Variants in CCNH observed in about 807,000 individuals in gnomAD.
CCNH encodes cyclin-H.
CCNH carries 31 observed loss-of-function variants against 41.9 expected under a neutral mutation model. The ratio of observed to expected loss-of-function variants is 0.74; its 90% confidence interval spans 0.56 to 1.00. The LOEUF (loss-of-function observed/expected upper bound fraction) is 1.00. Among genes scored for constraint, CCNH ranks in the 50% least tolerant of loss-of-function variants. The pLI is 0.00. For synonymous variants in CCNH, 138 were observed against 136.1 expected (o/e 1.01, Z -0.10); for missense variants, 362 against 388.4 (o/e 0.93, Z 0.57).
At chr5:87,322,696 C>G (rs1397554915) in intron 9 of CCNH, among the ~76,000 whole-genome samples, 1 of 152,220 alleles carries the variant, frequency 6.6e-6, no homozygotes. Context: ...AACCACTTTT[C>G]TTTACCAATT....
downstream of CCNH, among the ~76,000 whole-genome samples, chr5:87,372,861 G>A (rs373145851): frequency 1.3e-5 from 2 of 152,074 alleles, no homozygotes; most frequent in African/African-American, 4.8e-5. Context: ...CTCTTTGTGC[G>A]AATATCTGAT....
intron 6 of CCNH, among the ~76,000 whole-genome samples, chr5:87,400,017 AC>A (rs1035678578): frequency 2.6e-5 from 4 of 152,210 alleles, no homozygotes; most frequent in Admixed American, 2.0e-4. Flanking sequence ...CAAACCCTAT[AC>A]AAAAATGTCC....
intron 9 of CCNH, among the ~76,000 whole-genome samples, chr5:87,340,612 A>G (rs1403031101): frequency 6.6e-6 from 1 of 152,170 alleles, no homozygotes; most frequent in Non-Finnish European, 1.5e-5. Context: ...AGAATAAAAT[A>G]AAGTTCAAAA....
chr5:87,338,671 C>T (rs556881995), intron 9 of CCNH, among the ~76,000 whole-genome samples: 7 of 150,620 alleles, frequency 4.6e-5, no homozygotes, highest in African/African-American at 1.7e-4. Context: ...AGTGCCCGGC[C>T]TATTTGTGCT....
At chr5:87,380,445 G>T (rs1400293028), upstream of CCNH, 2 of 1,400,844 alleles carry the variant, frequency 1.4e-6, no homozygotes, top group South Asian at 1.2e-5. Context: ...TTAAGCTTTT[G>T]GCTGCTAGGA....
intron 9 of CCNH, among the ~76,000 whole-genome samples, chr5:87,344,869 A>G (rs189031086): frequency 1.3e-5 from 2 of 151,878 alleles, no homozygotes; most frequent in Admixed American, 6.6e-5. Flanking sequence ...GAATTCTTCC[A>G]TTCATACTTA....
At chr5:87,355,589 A>G (rs1158509948) in intron 9 of CCNH, among the ~76,000 whole-genome samples, 2 of 152,366 alleles carry the variant, frequency 1.3e-5, no homozygotes, top group African/African-American at 2.4e-5. Context: ...TTTTCATGCC[A>G]GCTAACACAG....
chr5:87,382,221 G>C (rs759858726), intron 9 of CCNH, among the ~76,000 whole-genome samples: 2 of 152,128 alleles, frequency 1.3e-5, no homozygotes, highest in Non-Finnish European at 2.9e-5. Flanking sequence ...CAAAGTGTTG[G>C]ATTACAGGCA....
At chr5:87,356,875 C>G (rs1370262020) in intron 9 of CCNH, among the ~76,000 whole-genome samples, 1 of 152,096 alleles carries the variant, frequency 6.6e-6, no homozygotes, top group Non-Finnish European at 1.5e-5. Context: ...CTATATTTTC[C>G]TTCATTCCCG....
chr5:87,394,206 G>GAGT, downstream of CCNH: 2 of 1,139,560 alleles, frequency 1.8e-6, no homozygotes, highest in Non-Finnish European at 2.2e-6. Context: ...TTAGGCAAAT[G>GAGT]AGTTGCAGCT....
chr5:87,371,199 T>C (rs1465576569), intron 9 of CCNH, among the ~76,000 whole-genome samples: 1 of 152,164 alleles, frequency 6.6e-6, no homozygotes, highest in Non-Finnish European at 1.5e-5. Flanking sequence ...TATTTATACA[T>C]AATATTTCTG....
chr5:87,373,234 T>C (rs1263355796), downstream of CCNH, among the ~76,000 whole-genome samples: 1 of 151,196 alleles, frequency 6.6e-6, no homozygotes, highest in African/African-American at 2.5e-5. Context: ...CAGTGGACTC[T>C]ACCAACCATG....
intron 9 of CCNH, among the ~76,000 whole-genome samples, chr5:87,360,708 T>C (rs1198112035): frequency 1.3e-5 from 2 of 152,162 alleles, no homozygotes; most frequent in African/African-American, 4.8e-5. Flanking sequence ...AGAAGTAATA[T>C]GGTTCACTCA....
At chr5:87,412,516 C>A in intron 1 of CCNH, 162 bp downstream of exon 1, 1 of 1,438,112 alleles carries the variant, frequency 7.0e-7, no homozygotes, top group Non-Finnish European at 9.1e-7. Context: ...TTTGTACCCA[C>A]GGAACCTGGC....
Position 87,328,972 on chromosome 5 carries a change from A to C in CCNH, c.*91-10075T>G, listed in dbSNP as rs535563379. On this transcript the variant is annotated intron_variant and NMD_transcript_variant, in intron 9 of 9. Transcript: ENST00000645953. ...TTACAAGCTGATGGCTGGATAATTTAATTGCAGTTTATAGTCATAATCAAG... is the reference window on the plus strand; with the variant it reads ...TTACAAGCTGATGGCTGGATAATTTCATTGCAGTTTATAGTCATAATCAAG... Among the ~76,000 whole-genome samples the C allele has an allele frequency of 5.4e-3, 774 of 143,610 alleles. 10 individuals carry two copies. Among genetic ancestry groups the C allele is most frequent in the African/African-American group, 0.019 (738 of 39,876 alleles). The allele number at this position is 143,610 out of a possible 152,430, so 94.2% of individuals were successfully genotyped here.
At chr5:87,353,215 A>G in intron 9 of CCNH, 1 of 1,608,570 alleles carries the variant, frequency 6.2e-7, no homozygotes, top group East Asian at 2.2e-5. Flanking sequence ...ATATTATCTT[A>G]AGGAACCTGT....
downstream of CCNH, among the ~76,000 whole-genome samples, chr5:87,313,665 A>G (rs372392983): frequency 6.6e-6 from 1 of 152,234 alleles, no homozygotes; most frequent in South Asian, 2.1e-4. Flanking sequence ...ACAGATATGA[A>G]AATGATTGAT....
intron 9 of CCNH, among the ~76,000 whole-genome samples, chr5:87,342,156 T>C (rs1475540233): frequency 2.0e-5 from 3 of 151,446 alleles, no homozygotes; most frequent in African/African-American, 4.8e-5. Flanking sequence ...TTTTTTGTTA[T>C]TTTTTCTTTT....
chr5:87,339,136 T>A (rs1354058439), intron 9 of CCNH, among the ~76,000 whole-genome samples: 1 of 152,200 alleles, frequency 6.6e-6, no homozygotes, highest in African/African-American at 2.4e-5. Flanking sequence ...GATAATATTC[T>A]GAAGAGTATT....
Sources: allele counts gnomAD v4.1 joint callset (sites outside exome capture counted in the v4.1 genomes callset), GRCh38; gene constraint gnomAD v4.1.1; transcripts MANE v1.5; gene names NCBI Gene and HGNC (gene_info 2026-07-23, HGNC 2026-07-21).